EBPL: variants seen among roughly 807,000 people sequenced by gnomAD.
EBPL encodes the protein EBP like.
Under a neutral mutation model 19.0 loss-of-function variants are expected in EBPL, and 20 were observed. That is an observed-to-expected ratio of 1.05 (90% confidence interval 0.74 to 1.53). The LOEUF (loss-of-function observed/expected upper bound fraction) is 1.53, where lower values mean the gene tolerates loss of function less well. Among genes scored for constraint, EBPL ranks in the 40% most tolerant of loss-of-function variants. EBPL has a pLI of 0.00. For missense variants in EBPL, 219 were observed against 261.1 expected (o/e 0.84, Z 1.11); for synonymous variants, 107 against 117.0 (o/e 0.91, Z 0.55).
chr13:49,672,841 C>T (rs1284546848), intron 1 of EBPL, among the ~76,000 whole-genome samples: 3 of 152,226 alleles, frequency 2.0e-5, no homozygotes, highest in African/African-American at 7.2e-5. Context: ...GGGCGAATCA[C>T]GAGGTCAGGA....
chr13:49,684,752 T>A (rs1322101138), intron 1 of EBPL, among the ~76,000 whole-genome samples: 3 of 152,184 alleles, frequency 2.0e-5, no homozygotes, highest in African/African-American at 7.2e-5. Context: ...TGAAATAAAC[T>A]TTAAGAGACT....
In EBPL at chr13:49,663,073, T is replaced by C; in HGVS notation, c.364A>G (p.Lys122Glu). The change falls in exon 3 of 4, where the codon AAA becomes GAA. Residue 122 changes from lysine to glutamate, a missense_variant. Transcript: ENST00000242827. ...GGCACCTACCGGTAATATTTTTCTTTGACTATGGCATAAATGAGGAACAAT... is the reference window on the plus strand; with the variant it reads ...GGCACCTACCGGTAATATTTTTCTTCGACTATGGCATAAATGAGGAACAAT... ...LALFLIYAIV[K>E]EKYYRHFLQI... is the part of the protein sequence containing the mutation. 5 of 1,614,112 alleles carry C rather than the reference T, an allele frequency of 3.1e-6. No homozygotes were observed. Among genetic ancestry groups the C allele is most frequent in the Non-Finnish European group, 4.2e-6 (5 of 1,180,038 alleles).
At chr13:49,688,512 G>T (rs1280803513) in intron 1 of EBPL, among the ~76,000 whole-genome samples, 1 of 152,104 alleles carries the variant, frequency 6.6e-6, no homozygotes. Flanking sequence ...GAGGTCAGGA[G>T]ATCGAGACCA....
intron 1 of EBPL, chr13:49,686,333 C>T: frequency 1.1e-6 from 1 of 922,082 alleles, no homozygotes. Flanking sequence ...TGCTCTTCCT[C>T]CGCCCACCAC....
At chr13:49,679,561 G>A (rs531438773) in intron 1 of EBPL, among the ~76,000 whole-genome samples, 22 of 152,308 alleles carry the variant, frequency 1.4e-4, no homozygotes, top group Non-Finnish European at 2.8e-4. Flanking sequence ...ATCCAGTGGT[G>A]TTATCACGGC....
chr13:49,668,868 A>C (rs1026334366), intron 2 of EBPL, among the ~76,000 whole-genome samples: 1 of 150,470 alleles, frequency 6.6e-6, no homozygotes, highest in Non-Finnish European at 1.5e-5. Flanking sequence ...TTCCATCTGC[A>C]CTCACTACCA....
chr13:49,681,087 G>A (rs770096752), intron 1 of EBPL, among the ~76,000 whole-genome samples: 13 of 152,022 alleles, frequency 8.6e-5, no homozygotes, highest in Non-Finnish European at 1.8e-4. Context: ...GGGTGATGAG[G>A]AAAATTTCAT....
At chr13:49,674,587 C>CTA (rs1555300797) in intron 1 of EBPL, among the ~76,000 whole-genome samples, 2 of 139,658 alleles carry the variant, frequency 1.4e-5, no homozygotes, top group Non-Finnish European at 3.1e-5. Context: ...AATGAATGGG[C>CTA]TTTTTTTTTT....
In EBPL at chr13:49,671,859, G is replaced by GT. The variant is rs535764873; in HGVS notation, c.172-2014dup. On this transcript the variant is annotated intron_variant, in intron 1 of 3. Coordinates refer to ENST00000242827, the MANE Select transcript of EBPL (RefSeq NM_032565.5). The stretch of plus-strand genomic sequence containing the variant: ...GACCTTTCCACAGAAGCAACTCTGG[G>GT]TAAGAGCAAGATGGGGAACTGGAAA... Among the ~76,000 whole-genome samples the GT allele has an allele frequency of 5.1e-3, 774 of 152,348 alleles. 2 individuals carry two copies. The highest frequency in any genetic ancestry group is 7.6e-3 in the Non-Finnish European group (517 of 68,036).
intron 1 of EBPL, among the ~76,000 whole-genome samples, chr13:49,678,003 A>G (rs574933944): frequency 1.4e-5 from 2 of 138,034 alleles, no homozygotes; most frequent in East Asian, 4.5e-4. Flanking sequence ...GCTAAAGAAC[A>G]AAGACTCCAC....
At chr13:49,678,690 G>A (rs1441730806) in intron 1 of EBPL, among the ~76,000 whole-genome samples, 1 of 152,024 alleles carries the variant, frequency 6.6e-6, no homozygotes, top group Non-Finnish European at 1.5e-5. Context: ...AGCAAAGGGA[G>A]CCGCTCTGGC....
At chr13:49,663,034 C>T (rs368785849) in intron 3 of EBPL, 23 bp downstream of exon 3, 1 of 1,612,454 alleles carries the variant, frequency 6.2e-7, no homozygotes, top group African/African-American at 1.3e-5. Context: ...CTCCTTCCAG[C>T]AGGACAGAAG....
intron 1 of EBPL, among the ~76,000 whole-genome samples, chr13:49,672,608 A>G (rs1046347155): frequency 6.6e-6 from 1 of 152,248 alleles, no homozygotes; most frequent in African/African-American, 2.4e-5. Flanking sequence ...CAATAATAAT[A>G]ATCTGGTTAG....
intron 3 of EBPL, chr13:49,662,033 A>G (rs1410401770): frequency 2.4e-5 from 26 of 1,080,942 alleles, no homozygotes; most frequent in Non-Finnish European, 3.5e-5. Flanking sequence ...TCGCTCTGTC[A>G]CCTAGGCTGG....
intron 2 of EBPL, among the ~76,000 whole-genome samples, chr13:49,666,870 C>T (rs1208165258): frequency 6.9e-6 from 1 of 144,434 alleles, no homozygotes; most frequent in Non-Finnish European, 1.5e-5. Context: ...GCCTGGGAGA[C>T]AGAGCGAGAC....
intron 1 of EBPL, among the ~76,000 whole-genome samples, chr13:49,675,093 G>A (rs1220587295): frequency 3.3e-5 from 5 of 152,142 alleles, no homozygotes; most frequent in South Asian, 4.1e-4. Context: ...ACGGTGATAC[G>A]CTCTGAGAAA....
At chr13:49,685,974 G>A (rs868328787) in intron 1 of EBPL, among the ~76,000 whole-genome samples, 78 of 152,222 alleles carry the variant, frequency 5.1e-4, no homozygotes, top group African/African-American at 1.8e-3. Flanking sequence ...CAGAGAGGGC[G>A]TGGCACAGCC....
intron 2 of EBPL, among the ~76,000 whole-genome samples, chr13:49,667,055 T>C (rs1319945915): frequency 6.6e-6 from 1 of 152,046 alleles, no homozygotes; most frequent in Non-Finnish European, 1.5e-5. Context: ...ACAGACAGTT[T>C]AGCAGAGCTG....
intron 1 of EBPL, among the ~76,000 whole-genome samples, chr13:49,679,003 G>A (rs1404061149): frequency 3.3e-4 from 1 of 3,000 alleles, no homozygotes; most frequent in Admixed American, 2.8e-3. Context: ...GTGAGACTCC[G>A]TCTAAAAAAA....
Sources: gnomAD v4.1 joint callset for allele counts (sites outside exome capture counted in the v4.1 genomes callset) on GRCh38, gnomAD v4.1.1 for gene constraint, MANE v1.5 for transcripts, NCBI Gene and HGNC (gene_info 2026-07-23, HGNC 2026-07-21) for gene names.